CDH18: variants seen among roughly 807,000 people sequenced by gnomAD.
CDH18 encodes cadherin-18.
Under a neutral mutation model 67.9 loss-of-function variants are expected in CDH18, and 31 were observed. The observed-to-expected ratio is 0.46, with a 90% confidence interval of 0.34 to 0.62. The LOEUF (loss-of-function observed/expected upper bound fraction) is 0.62, where lower values mean the gene tolerates loss of function less well. Ranked by LOEUF, CDH18 falls within the 20% of genes least tolerant of loss-of-function variation. The probability of loss-of-function intolerance (pLI) is 0.01; values close to 1 mark genes in which losing one functional copy is unlikely to be tolerated. For synonymous variants in CDH18, 362 were observed against 347.2 expected (o/e 1.04, Z -0.48); for missense variants, 890 against 975.5 (o/e 0.91, Z 1.17).
At position 20,527,296 on chromosome 5, in the gene CDH18, CAA is replaced by C. The variant is rs1431957839; in HGVS notation, c.-580+48164_-580+48165del. 1.6e-4 allele frequency among the ~76,000 whole-genome samples: 25 copies of C among 151,866 alleles called. 1 individual carries two copies. In the East Asian group the frequency reaches 4.8e-3, roughly 29 times the overall value. Reference sequence around the variant, plus strand: ...TGAATCTGTGATGGATTGGAGTACCCAAAAGAGATGAGGAAAATGGAACCGAG... The same window carrying C: ...TGAATCTGTGATGGATTGGAGTACCCAAGAGATGAGGAAAATGGAACCGAG... On this transcript the variant is annotated intron_variant, in intron 1 of 14. Transcript: ENST00000507958.
chr5:20,013,483 C>CT (rs936498316), intron 2 of CDH18, among the ~76,000 whole-genome samples: 4 of 151,770 alleles, frequency 2.6e-5, no homozygotes, highest in Admixed American at 6.6e-5. Flanking sequence ...TGTCTTTGAA[C>CT]TTTTTTTTGT....
chr5:19,794,834 T>C (rs1045317765), intron 3 of CDH18, among the ~76,000 whole-genome samples: 2 of 152,180 alleles, frequency 1.3e-5, no homozygotes, highest in African/African-American at 4.8e-5. Flanking sequence ...TACACTCATT[T>C]TTCCCTATTC....
At chr5:19,604,533 ACACACACAC>A in intron 6 of CDH18, among the ~76,000 whole-genome samples, 1 of 8,732 alleles carries the variant, frequency 1.1e-4, no homozygotes, top group Non-Finnish European at 6.7e-4. Context: ...AAATTAAAAC[ACACACACAC>A]ACACACACAC....
At chr5:19,483,259 C>T (rs765015711) in intron 12 of CDH18, 42 bp downstream of exon 12, 70 of 1,562,860 alleles carry the variant, frequency 4.5e-5, no homozygotes, top group Non-Finnish European at 5.8e-5. Context: ...CCCTCTCATT[C>T]AGAATTGCCA....
At chr5:20,303,473 G>A (rs961291177) in intron 1 of CDH18, among the ~76,000 whole-genome samples, 4 of 152,118 alleles carry the variant, frequency 2.6e-5, no homozygotes, top group African/African-American at 4.8e-5. Context: ...AGGGTTACAG[G>A]CCAATGATTC....
intron 1 of CDH18, among the ~76,000 whole-genome samples, chr5:20,517,675 G>T (rs528580425): frequency 6.6e-6 from 1 of 151,972 alleles, no homozygotes; most frequent in African/African-American, 2.4e-5. Flanking sequence ...GTTTTAGGAA[G>T]GTATTACATA....
Position 20,419,300 on chromosome 5 carries a change from T to A in CDH18, c.-580+156162A>T, listed in dbSNP as rs567646394. 1.4e-3 allele frequency among the ~76,000 whole-genome samples: 215 copies of A among 151,958 alleles called. 1 individual carries two copies. Among genetic ancestry groups the A allele is most frequent in the African/African-American group, 5.0e-3 (209 of 41,406 alleles). ...ACCTCTTTTTCTACCGAGTCTTGAG[T>A]ATGTATTTATTAGCAGCGTGAACAC... is the stretch of plus-strand genomic sequence containing the variant. On this transcript the variant is annotated intron_variant, in intron 1 of 14. Transcript: ENST00000507958.
rs145775826 is a variant in CDH18, at chr5:20,548,295, A to G, written c.-580+27167T>C. 3.2e-3 allele frequency among the ~76,000 whole-genome samples: 484 copies of G among 151,836 alleles called. 5 individuals carry two copies. The highest frequency in any genetic ancestry group is 0.011 in the African/African-American group (462 of 41,488). On this transcript the variant is annotated intron_variant, in intron 1 of 14. Coordinates refer to the CDH18 transcript ENST00000507958. Reference sequence around the variant, plus strand: ...ATGTAGTCATTACTCATCTTTCCAAAGTAATTTTATTTATTCAAGATAAGT... The same window carrying G: ...ATGTAGTCATTACTCATCTTTCCAAGGTAATTTTATTTATTCAAGATAAGT...
chr5:20,172,230 A>ATATATGTGTATATATATATACG (rs1233845934), intron 2 of CDH18, among the ~76,000 whole-genome samples: 8 of 96,688 alleles, frequency 8.3e-5, no homozygotes, highest in South Asian at 3.5e-4. Flanking sequence ...ATATGTATAT[A>ATATATGTGTATATATATATACG]TATATATATG....
intron 1 of CDH18, among the ~76,000 whole-genome samples, chr5:20,425,506 C>G (rs1320763993): frequency 6.6e-6 from 1 of 150,848 alleles, no homozygotes; most frequent in Non-Finnish European, 1.5e-5. Context: ...AAACTGGATA[C>G]AGAGTGAATC....
At chr5:20,154,260 C>T (rs1751354494) in intron 2 of CDH18, among the ~76,000 whole-genome samples, 1 of 152,076 alleles carries the variant, frequency 6.6e-6, no homozygotes, top group Non-Finnish European at 1.5e-5. Context: ...AATTCTTTGT[C>T]TTCAGATGCA....
chr5:20,131,067 A>T (rs867033002), intron 2 of CDH18, among the ~76,000 whole-genome samples: 4 of 152,056 alleles, frequency 2.6e-5, no homozygotes, highest in African/African-American at 7.2e-5. Context: ...CATTTAAAAA[A>T]TTTTTTACCT....
chr5:19,492,010 A>G, intron 11 of CDH18, among the ~76,000 whole-genome samples: 1 of 152,174 alleles, frequency 6.6e-6, no homozygotes. Context: ...ACACATACAA[A>G]AAAAGAGAAC....
Position 19,934,246 on chromosome 5 carries a change from A to G in CDH18, c.-257+46814T>C, listed in dbSNP as rs991891627. ...AAAAGAATAAATGAATTATTTTATGAACATTAGATGTGAGAAGGACTTAAT... is the reference window on the plus strand; with the variant it reads ...AAAAGAATAAATGAATTATTTTATGGACATTAGATGTGAGAAGGACTTAAT... On this transcript the variant is annotated intron_variant, in intron 2 of 12. Coordinates refer to ENST00000382275, the MANE Select transcript of CDH18 (RefSeq NM_004934.5). 2.6e-5 allele frequency among the ~76,000 whole-genome samples: 4 copies of G among 151,482 alleles called. No homozygotes were observed. In the Admixed American group the frequency reaches 2.6e-4, roughly 10 times the overall value.
chr5:19,610,872 G>A (rs907141975), intron 6 of CDH18, among the ~76,000 whole-genome samples: 11 of 151,986 alleles, frequency 7.2e-5, no homozygotes, highest in Admixed American at 7.2e-4. Context: ...AATAAAATAT[G>A]GACTTACCTA....
chr5:20,519,931 C>T (rs1255104827), intron 1 of CDH18, among the ~76,000 whole-genome samples: 1 of 128,172 alleles, frequency 7.8e-6, no homozygotes, highest in East Asian at 2.3e-4. Context: ...TGGAGTACAA[C>T]ACAGTCTTGG....
At chr5:19,969,879 T>C (rs1214078860) in intron 2 of CDH18, among the ~76,000 whole-genome samples, 1 of 152,042 alleles carries the variant, frequency 6.6e-6, no homozygotes, top group African/African-American at 2.4e-5. Flanking sequence ...CTAAAGAGTT[T>C]ATAAATTAAC....
chr5:20,000,623 A>G (rs1036115368), intron 2 of CDH18, among the ~76,000 whole-genome samples: 4 of 152,184 alleles, frequency 2.6e-5, no homozygotes, highest in Non-Finnish European at 5.9e-5. Context: ...GCTTGGGAAA[A>G]TAGCTTTGAC....
intron 11 of CDH18, among the ~76,000 whole-genome samples, chr5:19,489,449 A>T (rs375514554): frequency 4.0e-5 from 6 of 151,798 alleles, no homozygotes; most frequent in Non-Finnish European, 7.4e-5. Context: ...GGGTTTCACC[A>T]TGTTGGCCAG....
Sources: allele counts gnomAD v4.1 joint callset (sites outside exome capture counted in the v4.1 genomes callset), GRCh38; gene constraint gnomAD v4.1.1; transcripts MANE v1.5; gene names NCBI Gene and HGNC (gene_info 2026-07-23, HGNC 2026-07-21).